SLC35F1: variants seen among roughly 807,000 people sequenced by gnomAD.
The protein encoded by SLC35F1 is chromosome 6 open reading frame 169.
Under a neutral mutation model 48.7 loss-of-function variants are expected in SLC35F1, and 14 were observed. That is an observed-to-expected ratio of 0.29 (90% confidence interval 0.19 to 0.45). The LOEUF is 0.45. SLC35F1 is among the 20% of genes least tolerant of loss of function. The pLI is 1.00. For missense variants in SLC35F1, 404 were observed against 500.0 expected, an observed-to-expected ratio of 0.81 and a Z score of 1.83; for synonymous variants, 190 against 202.2, an observed-to-expected ratio of 0.94 and a Z score of 0.51.
At chr6:118,108,364 G>C (rs1224473393) in intron 1 of SLC35F1, among the ~76,000 whole-genome samples, 1 of 151,980 alleles carries the variant, frequency 6.6e-6, no homozygotes, top group Admixed American at 6.6e-5. Context: ...GCTACTTCTG[G>C]GTAAATTTTC....
chr6:118,232,913 G>A (rs904191422), intron 2 of SLC35F1, among the ~76,000 whole-genome samples: 5 of 151,666 alleles, frequency 3.3e-5, no homozygotes, highest in African/African-American at 1.2e-4. Context: ...CCCCACCCAA[G>A]ACCAGTTAAA....
intron 1 of SLC35F1, among the ~76,000 whole-genome samples, chr6:118,107,785 G>C (rs752547980): frequency 6.6e-6 from 1 of 151,986 alleles, no homozygotes; most frequent in African/African-American, 2.4e-5. Context: ...AATTGTCTGT[G>C]TAGGAATGGT....
chr6:118,128,700 T>C (rs1284103043), intron 1 of SLC35F1, among the ~76,000 whole-genome samples: 4 of 151,618 alleles, frequency 2.6e-5, no homozygotes, highest in Non-Finnish European at 5.9e-5. Context: ...TTAGGAGATA[T>C]TCCTAATGCT....
intron 4 of SLC35F1, among the ~76,000 whole-genome samples, chr6:118,270,276 T>A (rs2114624745): frequency 6.6e-6 from 1 of 152,314 alleles, no homozygotes; most frequent in African/African-American, 2.4e-5. Flanking sequence ...AGAAATTCTT[T>A]GTTTTGATTT....
intron 1 of SLC35F1, among the ~76,000 whole-genome samples, chr6:118,058,048 G>C (rs570852519): frequency 6.6e-6 from 1 of 152,040 alleles, no homozygotes; most frequent in African/African-American, 2.4e-5. Flanking sequence ...GTTGGTACAC[G>C]GAAAATTATC....
rs111487059 is a variant in SLC35F1 at position 118,226,948 on chromosome 6, C to T, written c.350-8561C>T. Among the ~76,000 whole-genome samples, 349 of 152,128 alleles carry T rather than the reference C, an allele frequency of 2.3e-3. 1 individual carries two copies. Among genetic ancestry groups the T allele is most frequent in the African/African-American group, 8.0e-3 (332 of 41,498 alleles). ...AATGTATCAAATTGTCAAATGTACC[C>T]CCAAAATATGTACATCTAATATGTA... is the stretch of plus-strand genomic sequence containing the variant. On this transcript the variant is annotated intron_variant, in intron 2 of 7. Coordinates refer to ENST00000360388, the MANE Select transcript of SLC35F1 (RefSeq NM_001029858.4).
intron 1 of SLC35F1, among the ~76,000 whole-genome samples, chr6:117,953,124 T>C (rs1776384750): frequency 6.6e-6 from 1 of 152,198 alleles, no homozygotes; most frequent in Admixed American, 6.5e-5. Context: ...TTGTTATTGT[T>C]TATTTTTATT....
chr6:118,048,690 A>G (rs1772337348), intron 1 of SLC35F1, among the ~76,000 whole-genome samples: 1 of 152,188 alleles, frequency 6.6e-6, no homozygotes, highest in Non-Finnish European at 1.5e-5. Context: ...AGAACTACAA[A>G]GCACTGCTCA....
At chr6:117,966,131 G>GCA (rs1776561563) in intron 1 of SLC35F1, among the ~76,000 whole-genome samples, 1 of 101,102 alleles carries the variant, frequency 9.9e-6, no homozygotes, top group African/African-American at 4.3e-5. Flanking sequence ...GCAGGCCACC[G>GCA]CCCCCCCCCC....
chr6:118,001,461 A>G (rs1314290786), intron 1 of SLC35F1, among the ~76,000 whole-genome samples: 2 of 152,256 alleles, frequency 1.3e-5, no homozygotes, highest in Non-Finnish European at 2.9e-5. Flanking sequence ...AAGATGGATT[A>G]AAGACTTAAA....
chr6:118,217,323 T>C (rs1202859120), intron 2 of SLC35F1, among the ~76,000 whole-genome samples: 1 of 152,212 alleles, frequency 6.6e-6, no homozygotes, highest in African/African-American at 2.4e-5. Flanking sequence ...GAAATTCTGA[T>C]ACATGTTGCA....
In SLC35F1 at chr6:118,275,589, T is replaced by C. The variant is rs1466094915; in HGVS notation, c.768T>C (p.Phe256=). The C allele has an allele frequency of 1.9e-6, 3 of 1,613,960 alleles. No individual in the cohort carries two copies. Among genetic ancestry groups the C allele is most frequent in the Admixed American group, 3.3e-5 (2 of 60,008 alleles). The part of the protein sequence containing the change: ...RVEFLGMIGL[F]GAFFSGIQLA... ...AATTCCTGGGAATGATTGGTCTCTT[T>C]GGAGCATTTTTCAGTGGAATTCAAT... The change falls in exon 5 of 8, where the codon TTT becomes TTC. Residue 256 remains phenylalanine (F), a synonymous_variant. Coordinates refer to ENST00000360388, the MANE Select transcript of SLC35F1 (RefSeq NM_001029858.4).
chr6:118,171,874 C>A (rs1774409574), intron 2 of SLC35F1, among the ~76,000 whole-genome samples: 1 of 152,088 alleles, frequency 6.6e-6, no homozygotes, highest in Non-Finnish European at 1.5e-5. Flanking sequence ...TTCATCTTCT[C>A]ATGAATTAGT....
chr6:118,023,996 T>G (rs1253727599), intron 1 of SLC35F1, among the ~76,000 whole-genome samples: 1 of 152,216 alleles, frequency 6.6e-6, no homozygotes, highest in African/African-American at 2.4e-5. Flanking sequence ...CATCCCCATT[T>G]CCATTAATTT....
At chr6:117,923,712 T>TATGTACATATATGTAC (rs1184607463) in intron 1 of SLC35F1, among the ~76,000 whole-genome samples, 2 of 20,164 alleles carry the variant, frequency 9.9e-5, no homozygotes, top group Non-Finnish European at 2.4e-4. Context: ...TATATGTACA[T>TATGTACATATATGTAC]ATATACATAT....
At chr6:117,943,890 T>C (rs1776262955) in intron 1 of SLC35F1, among the ~76,000 whole-genome samples, 1 of 152,176 alleles carries the variant, frequency 6.6e-6, no homozygotes, top group Non-Finnish European at 1.5e-5. Context: ...TAAACACATA[T>C]ATGAATTAAA....
At chr6:118,183,991 C>T (rs79449899) in intron 2 of SLC35F1, among the ~76,000 whole-genome samples, 3,502 of 152,222 alleles carry the variant, frequency 0.023, 124 homozygotes, top group African/African-American at 0.079. Context: ...CTCTCTCCAC[C>T]TACCTTACAA....
At chr6:117,923,860 G>T (rs1048728348) in intron 1 of SLC35F1, among the ~76,000 whole-genome samples, 1 of 115,988 alleles carries the variant, frequency 8.6e-6, no homozygotes, top group Non-Finnish European at 1.8e-5. Flanking sequence ...ACATATATAT[G>T]TGTGTACATA....
chr6:118,186,732 T>C (rs1774662143), intron 2 of SLC35F1, among the ~76,000 whole-genome samples: 1 of 152,206 alleles, frequency 6.6e-6, no homozygotes, highest in Non-Finnish European at 1.5e-5. Context: ...ATAGGACCTG[T>C]AGTCCACAGT....
Sources: allele counts gnomAD v4.1 joint callset (sites outside exome capture counted in the v4.1 genomes callset), GRCh38; gene constraint gnomAD v4.1.1; transcripts MANE v1.5; gene names NCBI Gene and HGNC (gene_info 2026-07-23, HGNC 2026-07-21).